SNCAIP: variants seen among roughly 807,000 people sequenced by gnomAD.
The protein encoded by SNCAIP is synphilin-1.
Under a neutral mutation model 86.7 loss-of-function variants are expected in SNCAIP, and 43 were observed. The ratio of observed to expected loss-of-function variants is 0.50; its 90% CI spans 0.39 to 0.64. The LOEUF is 0.64. SNCAIP is among the 30% of genes least tolerant of loss of function. The pLI is 0.00. For synonymous variants in SNCAIP, 417 were observed against 427.2 expected (o/e 0.98, Z 0.29); for missense variants, 981 against 1,103.1 (o/e 0.89, Z 1.57).
At chr5:122,341,411 A>T (rs1403388442) in intron 1 of SNCAIP, among the ~76,000 whole-genome samples, 1 of 152,234 alleles carries the variant, frequency 6.6e-6, no homozygotes, top group African/African-American at 2.4e-5. Context: ...AATCAACATT[A>T]TTCATGTCAA....
chr5:122,360,717 A>G (rs186105343), intron 1 of SNCAIP, among the ~76,000 whole-genome samples: 73 of 152,354 alleles, frequency 4.8e-4, no homozygotes, highest in Admixed American at 4.1e-3. Flanking sequence ...TCTGTTTAGC[A>G]TCATGAAATT....
intron 3 of SNCAIP, among the ~76,000 whole-genome samples, chr5:122,406,394 T>C (rs1317020877): frequency 1.3e-5 from 2 of 152,154 alleles, no homozygotes; most frequent in Admixed American, 1.3e-4. Flanking sequence ...CACATCTTCT[T>C]TGGGATGGGG....
At chr5:122,312,221 G>T (rs1233660060), upstream of SNCAIP, 1 of 151,588 alleles carries the variant, frequency 6.6e-6, no homozygotes, top group East Asian at 2.0e-4. Flanking sequence ...CTGCCGCTGC[G>T]GTCCGTCGGT....
chr5:122,458,768 A>G (rs1324582071), intron 10 of SNCAIP, among the ~76,000 whole-genome samples: 2 of 152,220 alleles, frequency 1.3e-5, no homozygotes, highest in East Asian at 3.8e-4. Flanking sequence ...TCCTTCACTC[A>G]GGGAGATCAT....
At chr5:122,427,597 A>T (rs1480984932) in intron 5 of SNCAIP, among the ~76,000 whole-genome samples, 1 of 152,136 alleles carries the variant, frequency 6.6e-6, no homozygotes, top group African/African-American at 2.4e-5. Context: ...GTCTCAGTCC[A>T]TTCAGTGTAT....
chr5:122,399,951 G>A (rs866500766), intron 2 of SNCAIP, among the ~76,000 whole-genome samples: 2 of 152,060 alleles, frequency 1.3e-5, no homozygotes. Flanking sequence ...CCTAGGTTGT[G>A]TTGATACCAC....
At chr5:122,342,782 A>G (rs1757846407) in intron 1 of SNCAIP, among the ~76,000 whole-genome samples, 1 of 152,208 alleles carries the variant, frequency 6.6e-6, no homozygotes, top group African/African-American at 2.4e-5. Flanking sequence ...GATGCATTCC[A>G]TAACCTTAAC....
chr5:122,403,656 G>T (rs1772322622), intron 2 of SNCAIP, 137 bp from the exon 3 acceptor site: 1 of 795,698 alleles, frequency 1.3e-6, no homozygotes, highest in Admixed American at 1.7e-5. Flanking sequence ...CCCATTTAGG[G>T]TAAAATGAGA....
At chr5:122,346,543 T>C (rs1758648575) in intron 1 of SNCAIP, among the ~76,000 whole-genome samples, 1 of 152,014 alleles carries the variant, frequency 6.6e-6, no homozygotes, top group African/African-American at 2.4e-5. Context: ...GAAATAAAAC[T>C]TCCTCTTTTC....
At chr5:122,359,389 A>T (rs1761775820) in intron 1 of SNCAIP, among the ~76,000 whole-genome samples, 1 of 148,970 alleles carries the variant, frequency 6.7e-6, no homozygotes, top group African/African-American at 2.5e-5. Context: ...TTTGAGACAG[A>T]GTCTTGCTCT....
chr5:122,353,748 C>T (rs768055604), intron 1 of SNCAIP, among the ~76,000 whole-genome samples: 9 of 152,166 alleles, frequency 5.9e-5, no homozygotes, highest in African/African-American at 2.2e-4. Context: ...ATTGTGAGGC[C>T]TCCCTAGCCA....
chr5:122,461,680 T>TC (rs1786314843), intron 10 of SNCAIP, among the ~76,000 whole-genome samples: 1 of 148,182 alleles, frequency 6.7e-6, no homozygotes, highest in African/African-American at 2.5e-5. Flanking sequence ...TTTTTTTTTT[T>TC]TTTTCTTTTT....
Position 122,377,197 on chromosome 5 carries a change from A to G in SNCAIP, c.-46-13892A>G, listed in dbSNP as rs538869010. 9.9e-5 allele frequency among the ~76,000 whole-genome samples: 15 copies of G among 152,222 alleles called. No homozygotes were observed. In the South Asian group the frequency reaches 3.1e-3, roughly 32 times the overall value. ...CCAAGTTAGAAATTTCCTTAGCTGTATTGCATAAGACAGTTTCTCAACCAC... is the reference window on the plus strand; with the variant it reads ...CCAAGTTAGAAATTTCCTTAGCTGTGTTGCATAAGACAGTTTCTCAACCAC... On this transcript the variant is annotated intron_variant, in intron 1 of 10. Coordinates refer to ENST00000261368, the MANE Select transcript of SNCAIP (RefSeq NM_005460.4).
chr5:122,318,687 C>G (rs1752320925), intron 1 of SNCAIP, among the ~76,000 whole-genome samples: 1 of 152,124 alleles, frequency 6.6e-6, no homozygotes, highest in African/African-American at 2.4e-5. Context: ...ACTTTTTCAA[C>G]AGTTTTCTCA....
intron 1 of SNCAIP, among the ~76,000 whole-genome samples, chr5:122,352,799 C>T (rs558776422): frequency 1.5e-4 from 23 of 152,172 alleles, no homozygotes; most frequent in African/African-American, 4.3e-4. Flanking sequence ...TGCTTGAGGG[C>T]GGGAATTCAA....
chr5:122,394,303 G>A (rs1237592149), intron 2 of SNCAIP, among the ~76,000 whole-genome samples: 1 of 152,136 alleles, frequency 6.6e-6, no homozygotes, highest in African/African-American at 2.4e-5. Context: ...CTGGTCATGA[G>A]CCTGGTTCTT....
chr5:122,329,906 G>A (rs987906606), intron 1 of SNCAIP, among the ~76,000 whole-genome samples: 1 of 152,096 alleles, frequency 6.6e-6, no homozygotes, highest in Admixed American at 6.5e-5. Context: ...GGTTAAAAGT[G>A]TGGACCCTGG....
chr5:122,370,839 C>A (rs1162701690), intron 1 of SNCAIP, among the ~76,000 whole-genome samples: 1 of 152,060 alleles, frequency 6.6e-6, no homozygotes, highest in Admixed American at 6.6e-5. Context: ...AATTATTCTT[C>A]CTATCATGCA....
chr5:122,330,172 A>C (rs1411030877), intron 1 of SNCAIP, among the ~76,000 whole-genome samples: 1 of 122,406 alleles, frequency 8.2e-6, no homozygotes, highest in East Asian at 2.3e-4. Context: ...CCCAGGCTGG[A>C]GTGCAGTGGC....
Sources: allele counts gnomAD v4.1 joint callset (sites outside exome capture counted in the v4.1 genomes callset), GRCh38; gene constraint gnomAD v4.1.1; transcripts MANE v1.5; gene names NCBI Gene and HGNC (gene_info 2026-07-23, HGNC 2026-07-21).